The following RIF1 variants were observed in gnomAD, a reference collection of about 807,000 sequenced individuals.
RIF1 encodes replication timing regulatory factor 1, also known as telomere-associated protein RIF1.
A neutral mutation model predicts 247.1 loss-of-function variants in RIF1; 45 were observed. That is an observed-to-expected ratio of 0.18 (90% CI 0.14 to 0.23). The LOEUF (loss-of-function observed/expected upper bound fraction) is 0.23. Ranked by LOEUF, RIF1 falls within the 10% of genes least tolerant of loss-of-function variation. RIF1 has a pLI of 1.00. For synonymous variants in RIF1, 1,087 were observed against 978.8 expected (o/e 1.11, Z -2.06); for missense variants, 2,967 against 2,862.5 (o/e 1.04, Z -0.83).
chr2:151,421,268 A>G (rs1688122668), intron 7 of RIF1, among the ~76,000 whole-genome samples: 1 of 152,206 alleles, frequency 6.6e-6, no homozygotes, highest in South Asian at 2.1e-4. Context: ...AGGACCGGAG[A>G]GTGCTGTGAG....
In RIF1 at chr2:151,446,497, G is replaced by A; in HGVS notation, c.2166G>A (p.Val722=). The A allele has an allele frequency of 1.2e-6, 2 of 1,613,724 alleles. No homozygotes were observed. Among genetic ancestry groups the A allele is most frequent in the South Asian group, 2.2e-5 (2 of 90,942 alleles). ...YRAFARCAAL[V]ATAEENLCCE... is the part of the protein sequence containing the mutation. ...CATTTGCTCGTTGTGCTGCTTTGGT[G>A]GCAACAGCAGAAGAGAACTTGTGCT... is the stretch of plus-strand genomic sequence containing the variant. Residue 722 remains valine (V), a synonymous_variant, in exon 20 of 36, where the codon GTG becomes GTA. Transcript: ENST00000444746.
downstream of RIF1, chr2:151,486,217 GAT>G (rs1039438073): frequency 1.3e-5 from 4 of 310,162 alleles, no homozygotes; most frequent in African/African-American, 8.5e-5. Flanking sequence ...CTCCAAAAAA[GAT>G]AGACAAATAG....
At chr2:151,473,868 T>C (rs1230897248) in intron 34 of RIF1, 96 bp from the exon 35 acceptor site, 6 of 716,120 alleles carry the variant, frequency 8.4e-6, no homozygotes, top group Non-Finnish European at 1.5e-5. Flanking sequence ...CTATGCAATG[T>C]TTTCCAGTGT....
chr2:151,424,698 CTCTA>C (rs1573909075), intron 8 of RIF1, among the ~76,000 whole-genome samples: 1 of 151,794 alleles, frequency 6.6e-6, no homozygotes, highest in African/African-American at 2.4e-5. Context: ...CAAGGTCTGG[CTCTA>C]TCTATCACCC....
At chr2:151,414,301 T>A (rs1013928456) in intron 3 of RIF1, among the ~76,000 whole-genome samples, 27 of 149,688 alleles carry the variant, frequency 1.8e-4, no homozygotes, top group African/African-American at 6.2e-4. Flanking sequence ...AAAAAAAAAA[T>A]TTCTAGATTG....
At chr2:151,410,575 G>C in intron 2 of RIF1, 48 bp downstream of exon 2, 1 of 1,467,568 alleles carries the variant, frequency 6.8e-7, no homozygotes, top group Non-Finnish European at 9.5e-7. Context: ...CTCTATAGTG[G>C]GGAGAAAGAA....
Position 151,457,805 on chromosome 2 carries a change from C to T in RIF1, c.2697C>T (p.Ser899=), listed in dbSNP as rs1695459300. ...LGEIIACLQF[S]YTGTYDSELL... ...AAATTATTGCTTGTCTGCAATTCAG[C>T]TACACCGGAACTTATGATAGTGAAC... The change falls in exon 24 of 36, where the codon AGC becomes AGT. Residue 899 remains serine, a synonymous_variant. Transcript: ENST00000444746. 1 of 1,613,732 alleles carries T rather than the reference C, an allele frequency of 6.2e-7. No homozygotes were observed. The highest frequency in any genetic ancestry group is 1.3e-5 in the African/African-American group (1 of 74,882).
chr2:151,450,609 G>A (rs62169385), intron 20 of RIF1, among the ~76,000 whole-genome samples: 34,235 of 150,108 alleles, frequency 0.23, 4,618 homozygotes, highest in Admixed American at 0.36. Flanking sequence ...TTTTTTTGAC[G>A]GAGCCTCGCT....
In RIF1 at chr2:151,434,167, C is replaced by CAA. The variant is rs1230432491; in HGVS notation, c.1077+953_1077+954dup. The stretch of plus-strand genomic sequence containing the variant: ...CAGGCAACAGAGTGAGACTCCATCT[C>CAA]AAAAAAAAAAAAAAAGAGAGAAATC... On this transcript the variant is annotated intron_variant, in intron 10 of 35. Coordinates refer to ENST00000444746, the MANE Select transcript of RIF1 (RefSeq NM_018151.5). 4.7e-3 allele frequency among the ~76,000 whole-genome samples: 518 copies of CAA among 110,448 alleles called. 3 individuals carry two copies. Among genetic ancestry groups the CAA allele is most frequent in the South Asian group, 0.036 (124 of 3,438 alleles). 72.5% of individuals were successfully genotyped at this position (110,448 alleles called of 152,430 possible). A position where few individuals can be genotyped will look rare whatever the true frequency, so the allele number is the denominator to read the frequency against.
rs1697509867 is a variant in RIF1, at chr2:151,469,708, T to C, written c.6942-3T>C. The C allele has an allele frequency of 6.5e-7, 1 of 1,537,634 alleles. No homozygotes were observed. Among genetic ancestry groups the C allele is most frequent in the South Asian group, 1.3e-5 (1 of 76,598 alleles). ...TATAATTTCCTGTTTCTGTTTTGTT[T>C]AGGGCAAGAGGCCTGGGACAACTCA... On this transcript the variant is annotated splice_polypyrimidine_tract_variant and splice_region_variant and intron_variant, in intron 33 of 35. Coordinates refer to ENST00000444746, the MANE Select transcript of RIF1 (RefSeq NM_018151.5).
In RIF1 at chr2:151,474,000, G is replaced by T; in HGVS notation, c.7132G>T (p.Asp2378Tyr). 6.3e-7 allele frequency: 1 copy of T among 1,598,958 alleles called. No individual in the cohort carries two copies. Among genetic ancestry groups the T allele is most frequent in the Non-Finnish European group, 8.6e-7 (1 of 1,168,430 alleles). Reference sequence around the variant, plus strand: ...TGGACTAGAAGAGATTCCAGTTTTTGATATTTCTGAAAAAACAGTAAATGG... The same window carrying T: ...TGGACTAGAAGAGATTCCAGTTTTTTATATTTCTGAAAAAACAGTAAATGG... ...TRGLEEIPVF[D>Y]ISEKTVNGIE... The change falls in exon 35 of 36, where the codon GAT becomes TAT. Residue 2378 changes from aspartate (D) to tyrosine (Y), a missense_variant. Physicochemically the swap from Asp to Tyr is radical, Grantham distance 160. Around this residue, in one of 7 missense-constraint regions of RIF1, gnomAD observed 151 missense variants for 163.4 expected, o/e 0.92. Transcript: ENST00000444746.
At chr2:151,425,366 AT>A (rs1688868188) in intron 8 of RIF1, among the ~76,000 whole-genome samples, 2 of 152,078 alleles carry the variant, frequency 1.3e-5, no homozygotes, top group South Asian at 4.1e-4. Context: ...GGTAATATCC[AT>A]TGCAGAGTTT....
In RIF1 at chr2:151,464,242, C is replaced by A. The variant is rs576707750; in HGVS notation, c.4722C>A (p.Asn1574Lys). ...AGAAGAGATCTGGAAAATGGAAAAACAAAAGCAATGAAAGTGTTGACATTC... is the reference window on the plus strand; with the variant it reads ...AGAAGAGATCTGGAAAATGGAAAAAAAAAAGCAATGAAAGTGTTGACATTC... ...SRKKRSGKWK[N>K]KSNESVDIQD... Residue 1574 changes from asparagine (N) to lysine (K), a missense_variant, in exon 30 of 36, where the codon AAC becomes AAA. By Grantham distance (94) the Asn-to-Lys change is moderately conservative. Transcript: ENST00000444746. 2.5e-4 allele frequency: 402 copies of A among 1,613,716 alleles called. 3 individuals are homozygous for A. In the South Asian group the frequency reaches 4.2e-3, roughly 17 times the overall value.
chr2:151,462,764 T>C, intron 29 of RIF1, 120 bp from the exon 30 acceptor site: 3 of 692,062 alleles, frequency 4.3e-6, no homozygotes, highest in Non-Finnish European at 4.9e-6. Context: ...TGCCATATAT[T>C]GAATGTCAGT....
intron 9 of RIF1, 66 bp downstream of exon 9, chr2:151,428,988 G>A (rs1689586951): frequency 9.7e-7 from 1 of 1,031,596 alleles, no homozygotes; most frequent in Non-Finnish European, 1.4e-6. Flanking sequence ...GATAAATGAA[G>A]TTTTTCTGGT....
In RIF1 at chr2:151,410,006, G is replaced by A. The variant is rs1231708439; in HGVS notation, c.-38G>A. 8.5e-6 allele frequency: 6 copies of A among 702,786 alleles called. No homozygotes were observed. The highest frequency in any genetic ancestry group is 4.4e-5 in the South Asian group (3 of 67,546). The allele number at this position is 702,786 out of a possible 1,614,324, so 43.5% of individuals were successfully genotyped here. Reference sequence around the variant, plus strand: ...CGTCTGGGTGCTGAGGGGCAGAGGCGGAGAGAACCCTGTCCTGATCTTCCT... The same window carrying A: ...CGTCTGGGTGCTGAGGGGCAGAGGCAGAGAGAACCCTGTCCTGATCTTCCT... On this transcript the variant is annotated 5_prime_UTR_variant, in exon 1 of 36. Transcript: ENST00000444746.
rs142018917 is a variant in RIF1 at position 151,436,213 on chromosome 2, G to A, written c.1196-614G>A. Among the ~76,000 whole-genome samples the A allele has an allele frequency of 1.4e-3, 216 of 152,038 alleles. 1 individual carries two copies. The highest frequency in any genetic ancestry group is 5.0e-3 in the African/African-American group (206 of 41,494). ...TGCACTCCAGCCTGGGCGACAGAGTGAGACTCAGTCTCAAAAAAAACAAAA... is the reference window on the plus strand; with the variant it reads ...TGCACTCCAGCCTGGGCGACAGAGTAAGACTCAGTCTCAAAAAAAACAAAA... On this transcript the variant is annotated intron_variant, in intron 11 of 35. Transcript: ENST00000444746.
intron 3 of RIF1, among the ~76,000 whole-genome samples, chr2:151,411,640 A>T (rs1162929390): frequency 6.6e-6 from 1 of 152,124 alleles, no homozygotes; most frequent in Admixed American, 6.5e-5. Context: ...ACCTCAGGTG[A>T]TCCGCCTGCC....
chr2:151,416,334 A>G (rs1687218071), intron 4 of RIF1, among the ~76,000 whole-genome samples: 1 of 152,188 alleles, frequency 6.6e-6, no homozygotes, highest in African/African-American at 2.4e-5. Context: ...TGCACAAGAT[A>G]TCTGATTTGG....
Sources: gnomAD v4.1 joint callset for allele counts (sites outside exome capture counted in the v4.1 genomes callset) on GRCh38, gnomAD v4.1.1 for gene constraint, gnomAD v4.1.1 regional missense constraint, MANE v1.5 for transcripts, NCBI Gene and HGNC (gene_info 2026-07-23, HGNC 2026-07-21) for gene names.